The following ADAMTS6 variants were observed in gnomAD, a reference collection of about 807,000 sequenced individuals.
The protein encoded by ADAMTS6 is ADAM metallopeptidase with thrombospondin type 1 motif 6.
Under a neutral mutation model 144.3 loss-of-function variants are expected in ADAMTS6, and 23 were observed. That is an observed-to-expected ratio of 0.16 (90% CI 0.11 to 0.23). ADAMTS6 has a LOEUF of 0.23. Ranked by LOEUF, ADAMTS6 falls within the 10% of genes least tolerant of loss-of-function variation. ADAMTS6 has a pLI of 1.00. For synonymous variants in ADAMTS6, 444 were observed against 457.5 expected, an observed-to-expected ratio of 0.97 and a Z score of 0.38; for missense variants, 999 against 1,379.6, an observed-to-expected ratio of 0.72 and a Z score of 4.37.
intron 9 of ADAMTS6, among the ~76,000 whole-genome samples, chr5:65,326,094 A>G (rs1746141045): frequency 6.6e-6 from 1 of 152,096 alleles, no homozygotes; most frequent in African/African-American, 2.4e-5. Flanking sequence ...TGCATTCATA[A>G]CCAAAAAATG....
intron 7 of ADAMTS6, among the ~76,000 whole-genome samples, chr5:65,406,123 T>G (rs1470820361): frequency 6.6e-6 from 1 of 152,186 alleles, no homozygotes; most frequent in Non-Finnish European, 1.5e-5. Flanking sequence ...CTTTTCCTAA[T>G]TGAATACCCT....
intron 7 of ADAMTS6, among the ~76,000 whole-genome samples, chr5:65,409,551 C>T (rs958352884): frequency 9.9e-5 from 15 of 152,092 alleles, no homozygotes; most frequent in Non-Finnish European, 1.0e-4. Flanking sequence ...AGATTCACAG[C>T]CGAATTCTAC....
At chr5:65,271,997 T>C (rs1473685578) in intron 12 of ADAMTS6, among the ~76,000 whole-genome samples, 1 of 152,204 alleles carries the variant, frequency 6.6e-6, no homozygotes, top group Non-Finnish European at 1.5e-5. Context: ...AGTTCATATA[T>C]TTAGCATAAT....
intron 1 of ADAMTS6, among the ~76,000 whole-genome samples, chr5:65,477,599 C>T (rs1760927806): frequency 6.6e-6 from 1 of 152,090 alleles, no homozygotes; most frequent in Non-Finnish European, 1.5e-5. Context: ...AAGTAGACTA[C>T]TATATGATTT....
At chr5:65,383,514 C>T (rs752240613) in intron 7 of ADAMTS6, among the ~76,000 whole-genome samples, 1 of 152,196 alleles carries the variant, frequency 6.6e-6, no homozygotes, top group Non-Finnish European at 1.5e-5. Flanking sequence ...GAATAATTGA[C>T]TCCATGACTC....
intron 4 of ADAMTS6, among the ~76,000 whole-genome samples, chr5:65,458,924 G>C (rs1225366408): frequency 2.6e-5 from 4 of 152,194 alleles, no homozygotes; most frequent in Non-Finnish European, 5.9e-5. Flanking sequence ...TATGTGCTAA[G>C]ATGAGCACTC....
Position 65,355,875 on chromosome 5 carries a change from T to A in ADAMTS6, c.1074-21790A>T, listed in dbSNP as rs184590470. On this transcript the variant is annotated intron_variant, in intron 7 of 24. Transcript: ENST00000381055. ...GCATAAGATTATTTCAGAAAATATG[T>A]TCTGGAATTATAATTGCTGTCATAA... 3.0e-3 allele frequency among the ~76,000 whole-genome samples: 457 copies of A among 151,972 alleles called. 1 individual carries two copies. The highest frequency in any genetic ancestry group is 0.011 in the African/African-American group (437 of 41,556).
chr5:65,271,979 A>G (rs1762092850), intron 12 of ADAMTS6, among the ~76,000 whole-genome samples: 1 of 152,132 alleles, frequency 6.6e-6, no homozygotes, highest in Non-Finnish European at 1.5e-5. Flanking sequence ...TTTTTCAATT[A>G]CCCTATCAGT....
intron 7 of ADAMTS6, among the ~76,000 whole-genome samples, chr5:65,369,552 G>C (rs989424606): frequency 6.7e-6 from 1 of 148,856 alleles, no homozygotes; most frequent in Admixed American, 6.7e-5. Context: ...AAAAAAAACA[G>C]TAGAATCTTA....
chr5:65,469,777 C>A (rs1010489955), intron 3 of ADAMTS6, among the ~76,000 whole-genome samples: 10 of 152,144 alleles, frequency 6.6e-5, no homozygotes, highest in Non-Finnish European at 1.0e-4. Flanking sequence ...TTAAACCCAA[C>A]TCGAATTATA....
intron 22 of ADAMTS6, among the ~76,000 whole-genome samples, chr5:65,186,051 A>C (rs1183181807): frequency 6.6e-6 from 1 of 152,116 alleles, no homozygotes; most frequent in Non-Finnish European, 1.5e-5. Flanking sequence ...CCTAGTACCT[A>C]TCACTATCAG....
intron 7 of ADAMTS6, among the ~76,000 whole-genome samples, chr5:65,430,077 G>C (rs1756870327): frequency 6.6e-6 from 1 of 151,368 alleles, no homozygotes; most frequent in Admixed American, 6.6e-5. Flanking sequence ...TATAGTAGCT[G>C]ATAATTGCAA....
intron 8 of ADAMTS6, among the ~76,000 whole-genome samples, chr5:65,330,354 ATC>A (rs1321941408): frequency 6.6e-6 from 1 of 152,166 alleles, no homozygotes; most frequent in East Asian, 1.9e-4. Flanking sequence ...CAAAAATGTC[ATC>A]TCTTATAAGG....
chr5:65,224,996 G>T lies in ADAMTS6; in HGVS notation c.2119C>A (p.Arg707=), dbSNP rs750220127. 6.2e-7 allele frequency: 1 copy of T among 1,613,982 alleles called. No individual in the cohort carries two copies. Among genetic ancestry groups the T allele is most frequent in the Non-Finnish European group, 8.5e-7 (1 of 1,179,982 alleles). Residue 707 remains arginine, a synonymous_variant, in exon 17 of 25, where the codon CGA becomes AGA. Coordinates refer to ENST00000381055, the MANE Select transcript of ADAMTS6 (RefSeq NM_197941.4). ...LGSDAREDRC[R]VCGGDGSTCD... is the part of the protein sequence containing the mutation. The stretch of plus-strand genomic sequence containing the variant: ...GTGCTTCCGTCCCCTCCACAGACTC[G>T]ACATCTATCTTCCCTAGCATCAGAT...
chr5:65,299,082 G>GA, intron 10 of ADAMTS6, among the ~76,000 whole-genome samples: 1 of 151,406 alleles, frequency 6.6e-6, no homozygotes, highest in South Asian at 2.1e-4. Context: ...CCTCCCTAAA[G>GA]AAAAAAATGG....
At chr5:65,298,022 T>G (rs1348398585) in intron 10 of ADAMTS6, among the ~76,000 whole-genome samples, 1 of 152,194 alleles carries the variant, frequency 6.6e-6, no homozygotes, top group Non-Finnish European at 1.5e-5. Flanking sequence ...TTGGATCAAT[T>G]ATTTTAATTA....
intron 11 of ADAMTS6, among the ~76,000 whole-genome samples, chr5:65,277,466 A>C (rs941172881): frequency 6.6e-6 from 1 of 152,118 alleles, no homozygotes; most frequent in Non-Finnish European, 1.5e-5. Flanking sequence ...TTGAGGTCTC[A>C]CTGCAACCTT....
chr5:65,397,718 A>C (rs572144400), intron 7 of ADAMTS6, among the ~76,000 whole-genome samples: 4 of 151,860 alleles, frequency 2.6e-5, no homozygotes, highest in African/African-American at 9.7e-5. Flanking sequence ...CTCTACAAAA[A>C]AAAGAAAAAT....
rs778463913 is a variant in ADAMTS6 at position 65,452,849 on chromosome 5, T to C, written c.701A>G (p.Asn234Ser). The C allele has an allele frequency of 6.2e-7, 1 of 1,614,104 alleles. No individual in the cohort carries two copies. The part of the protein sequence containing the change: ...TSTVSYSLPI[N>S]NTHIHHRQKR... The stretch of plus-strand genomic sequence containing the variant: ...CTGTCTGTGGTGGATATGTGTGTTG[T>C]TAATTGGTAGTGAATAAGAAACAGT... Residue 234 changes from asparagine (N) to serine (S), a missense_variant, in exon 5 of 25, where the codon AAC becomes AGC. Coordinates refer to ENST00000381055, the MANE Select transcript of ADAMTS6 (RefSeq NM_197941.4).
Sources: allele counts gnomAD v4.1 joint callset (sites outside exome capture counted in the v4.1 genomes callset), GRCh38; gene constraint gnomAD v4.1.1; transcripts MANE v1.5; gene names NCBI Gene and HGNC (gene_info 2026-07-23, HGNC 2026-07-21).